Variants in DCLK2 observed in about 807,000 individuals in gnomAD.
The protein encoded by DCLK2 is doublecortin like kinase 2.
In DCLK2, 31 loss-of-function variants were observed where a neutral mutation model predicts 78.4. The observed-to-expected ratio is 0.40, with a 90% CI of 0.30 to 0.53. The LOEUF (loss-of-function observed/expected upper bound fraction) is 0.53. Ranked by LOEUF, DCLK2 falls within the 20% of genes least tolerant of loss-of-function variation. The pLI, the probability that DCLK2 is intolerant of heterozygous loss-of-function variation, is 0.61. For missense variants in DCLK2, 872 were observed against 973.7 expected (o/e 0.90, Z 1.39); for synonymous variants, 407 against 374.9 (o/e 1.09, Z -0.99).
intron 2 of DCLK2, among the ~76,000 whole-genome samples, chr4:150,106,988 A>C (rs1313754489): frequency 6.6e-6 from 1 of 152,158 alleles, no homozygotes; most frequent in African/African-American, 2.4e-5. Context: ...AACCAGGGAC[A>C]GTTTTGTCCC....
chr4:150,119,148 AG>A (rs1276772611), intron 2 of DCLK2, among the ~76,000 whole-genome samples: 4 of 152,074 alleles, frequency 2.6e-5, no homozygotes, highest in African/African-American at 9.7e-5. Flanking sequence ...TGTATCCTGG[AG>A]TTCTTTCTTA....
At chr4:150,220,091 G>A (rs975339536) in intron 5 of DCLK2, among the ~76,000 whole-genome samples, 1 of 152,148 alleles carries the variant, frequency 6.6e-6, no homozygotes, top group African/African-American at 2.4e-5. Flanking sequence ...CGTGGGTGGG[G>A]AATGGAATAG....
intron 1 of DCLK2, among the ~76,000 whole-genome samples, chr4:150,093,939 T>G (rs1471431239): frequency 6.6e-6 from 1 of 151,996 alleles, no homozygotes; most frequent in African/African-American, 2.4e-5. Context: ...TTCAACAGGG[T>G]TGCCAAGAAT....
At chr4:150,237,943 A>G (rs1742631359) in intron 10 of DCLK2, among the ~76,000 whole-genome samples, 1 of 147,882 alleles carries the variant, frequency 6.8e-6, no homozygotes, top group Non-Finnish European at 1.5e-5. Context: ...CAAATAGACT[A>G]TACACTCAGG....
intron 2 of DCLK2, among the ~76,000 whole-genome samples, chr4:150,190,248 T>G (rs11940061): frequency 1.4e-5 from 1 of 69,838 alleles, no homozygotes. Context: ...GATAGATAGA[T>G]AGATAGATAG....
intron 5 of DCLK2, among the ~76,000 whole-genome samples, chr4:150,217,491 G>A (rs909531728): frequency 5.3e-5 from 8 of 152,124 alleles, no homozygotes; most frequent in Non-Finnish European, 8.8e-5. Context: ...TCCCTCTCAC[G>A]GCTCTTCAGA....
chr4:150,145,694 C>T (rs1430707915), intron 2 of DCLK2, among the ~76,000 whole-genome samples: 1 of 152,104 alleles, frequency 6.6e-6, no homozygotes, highest in Non-Finnish European at 1.5e-5. Context: ...AGGTAGGTTG[C>T]CTTAGCCCAG....
chr4:150,214,953 CAAA>C (rs60156550), intron 5 of DCLK2, among the ~76,000 whole-genome samples: 6 of 86,462 alleles, frequency 6.9e-5, no homozygotes, highest in Admixed American at 1.2e-4. Context: ...CAGAGTGTCT[CAAA>C]AAAAAAAAAA....
At position 150,256,135 on chromosome 4, in the gene DCLK2, T is replaced by C. The variant is rs1390151274; in HGVS notation, c.2189T>C (p.Val730Ala). The C allele has an allele frequency of 1.2e-6, 2 of 1,611,332 alleles. No individual in the cohort carries two copies. The highest frequency in any genetic ancestry group is 1.7e-6 in the Non-Finnish European group (2 of 1,179,492). Residue 730 changes from valine (V) to alanine (A), a missense_variant, in exon 16 of 16, where the codon GTG becomes GCG. Physicochemically the swap from Val to Ala is moderately conservative, Grantham distance 64. Transcript: ENST00000296550. ...CCTCCCTCAGTGGAGGAGATCCCTG[T>C]GCCTGGGGAAGCAGTCCCGGCCCCC... ...PVPPSVEEIPVPGEAVPAPTP... is the reference protein window; with the variant it reads ...PVPPSVEEIPAPGEAVPAPTP...
intron 1 of DCLK2, among the ~76,000 whole-genome samples, chr4:150,080,119 C>G (rs908111538): frequency 1.3e-5 from 2 of 151,034 alleles, no homozygotes; most frequent in African/African-American, 4.9e-5. Context: ...AAGCCCCCCC[C>G]CCAGGTGATT....
chr4:150,162,863 G>A (rs1735796865), intron 2 of DCLK2, among the ~76,000 whole-genome samples: 1 of 152,286 alleles, frequency 6.6e-6, no homozygotes, highest in African/African-American at 2.4e-5. Context: ...GCAACATAGA[G>A]GACAATAACT....
At chr4:150,198,923 C>CCCCCTTT in intron 4 of DCLK2, 3 of 477,806 alleles carry the variant, frequency 6.3e-6, no homozygotes, top group South Asian at 5.4e-5. Flanking sequence ...CCCCCCCCCA[C>CCCCCTTT]TTTCTGTAGG....
At chr4:150,217,082 A>T (rs1287392927) in intron 5 of DCLK2, among the ~76,000 whole-genome samples, 1 of 152,166 alleles carries the variant, frequency 6.6e-6, no homozygotes, top group African/African-American at 2.4e-5. Flanking sequence ...TGTTAGTTTG[A>T]CAATAGAAAT....
intron 5 of DCLK2, among the ~76,000 whole-genome samples, chr4:150,213,274 ATTCTATTTAACACTGT>A (rs1051400562): frequency 9.2e-5 from 14 of 152,344 alleles, no homozygotes; most frequent in Non-Finnish European, 1.9e-4. Flanking sequence ...CAGGCAGTGG[ATTCTATTTAACACTGT>A]TAACCAACCA....
At chr4:150,089,817 G>A (rs1257511197) in intron 1 of DCLK2, among the ~76,000 whole-genome samples, 1 of 152,212 alleles carries the variant, frequency 6.6e-6, no homozygotes, top group Non-Finnish European at 1.5e-5. Flanking sequence ...CTAAATTGGT[G>A]TTCCCAGTGT....
rs1289360799 is a variant in DCLK2 at position 150,221,756 on chromosome 4, T to G, written c.1212T>G (p.Asn404Lys). 6.2e-7 allele frequency: 1 copy of G among 1,606,634 alleles called. No homozygotes were observed. The highest frequency in any genetic ancestry group is 1.7e-5 in the Admixed American group (1 of 58,636). The part of the protein sequence containing the change: ...YKIGKVIGDG[N>K]FAVVKECIDR... ...TTGGAAAGGTCATTGGTGATGGCAA[T>G]TTTGCAGTAGTCAAAGAGTGTATAG... is the stretch of plus-strand genomic sequence containing the variant. Residue 404 changes from asparagine (N) to lysine (K), a missense_variant, in exon 7 of 16, where the codon AAT becomes AAG. This residue lies in a region of DCLK2 where 567 missense variants were observed against 593.4 expected (regional missense o/e 0.96). Transcript: ENST00000296550.
chr4:150,208,952 G>A (rs1740083056), intron 5 of DCLK2, among the ~76,000 whole-genome samples: 1 of 152,196 alleles, frequency 6.6e-6, no homozygotes, highest in African/African-American at 2.4e-5. Context: ...GGGTTACAAG[G>A]ATGTGGGATG....
At chr4:150,168,118 C>A (rs970037306) in intron 2 of DCLK2, among the ~76,000 whole-genome samples, 2 of 152,050 alleles carry the variant, frequency 1.3e-5, no homozygotes, top group Non-Finnish European at 2.9e-5. Context: ...CCAAGGCGGG[C>A]GGATCACGAG....
chr4:150,163,421 A>C (rs923017067), intron 2 of DCLK2, among the ~76,000 whole-genome samples: 1 of 152,020 alleles, frequency 6.6e-6, no homozygotes, highest in Non-Finnish European at 1.5e-5. Flanking sequence ...AAATAAATAA[A>C]TAAATAAACC....
Sources: allele counts gnomAD v4.1 joint callset (sites outside exome capture counted in the v4.1 genomes callset), GRCh38; gene constraint gnomAD v4.1.1; regional missense constraint gnomAD v4.1.1; transcripts MANE v1.5; gene names NCBI Gene and HGNC (gene_info 2026-07-23, HGNC 2026-07-21).